Variants in ADAMTSL1 observed in about 807,000 individuals in gnomAD.
ADAMTSL1 encodes the protein ADAMTS like 1.
ADAMTSL1 carries 126 observed loss-of-function variants against 201.8 expected under a neutral mutation model. The observed-to-expected ratio is 0.62, with a 90% CI of 0.54 to 0.72. The LOEUF (loss-of-function observed/expected upper bound fraction) is 0.72. ADAMTSL1 is among the 30% of genes least tolerant of loss of function. The pLI is 0.00. For synonymous variants in ADAMTSL1, 1,121 were observed against 903.4 expected (o/e 1.24, Z -4.32); for missense variants, 2,679 against 2,277.8 (o/e 1.18, Z -3.59).
chr9:18,009,197 A>T (rs1288361381), intron 1 of ADAMTSL1, among the ~76,000 whole-genome samples: 1 of 152,000 alleles, frequency 6.6e-6, no homozygotes, highest in Non-Finnish European at 1.5e-5. Context: ...ATTAATATTC[A>T]AAATATTCTT....
At chr9:18,745,688 C>G (rs1279676522) in intron 15 of ADAMTSL1, among the ~76,000 whole-genome samples, 1 of 152,134 alleles carries the variant, frequency 6.6e-6, no homozygotes, top group African/African-American at 2.4e-5. Context: ...TCATTTATAT[C>G]TGTTGATATA....
At position 18,384,321 on chromosome 9, in the gene ADAMTSL1, T is replaced by C. The variant is rs149802192; in HGVS notation, c.208-120508T>C. The stretch of plus-strand genomic sequence containing the variant: ...CGCCATATCTCATGAGAACTCATGA[T>C]CACAAGAACAGCAAGAGGGAAATCT... On this transcript the variant is annotated intron_variant, in intron 2 of 29. Coordinates refer to the ADAMTSL1 transcript ENST00000680146. 6.8e-3 allele frequency among the ~76,000 whole-genome samples: 1,035 copies of C among 152,096 alleles called. 6 individuals are homozygous for C. Among genetic ancestry groups the C allele is most frequent in the Middle Eastern group, 0.027 (8 of 294 alleles).
At chr9:18,328,055 G>A (rs1172864930) in intron 2 of ADAMTSL1, among the ~76,000 whole-genome samples, 2 of 152,180 alleles carry the variant, frequency 1.3e-5, no homozygotes, top group African/African-American at 4.8e-5. Flanking sequence ...AAATAATGTT[G>A]TAGTACATCT....
chr9:18,409,728 C>T (rs2133305716), intron 2 of ADAMTSL1, among the ~76,000 whole-genome samples: 1 of 150,362 alleles, frequency 6.7e-6, no homozygotes, highest in East Asian at 2.0e-4. Flanking sequence ...TGTATGTATA[C>T]ATATAAGTAT....
At chr9:18,332,222 T>C (rs1835057334) in intron 2 of ADAMTSL1, among the ~76,000 whole-genome samples, 1 of 152,236 alleles carries the variant, frequency 6.6e-6, no homozygotes, top group African/African-American at 2.4e-5. Context: ...CAGACCATGT[T>C]ATCTTACATA....
intron 4 of ADAMTSL1, among the ~76,000 whole-genome samples, chr9:18,579,097 A>T (rs1314702978): frequency 6.6e-6 from 1 of 151,796 alleles, no homozygotes; most frequent in African/African-American, 2.4e-5. Flanking sequence ...AACCAACCCA[A>T]ATGTCCAACA....
In ADAMTSL1 at chr9:18,708,633, A is replaced by C. The variant is rs185514905; in HGVS notation, c.1876+1585A>C. ...GGCTACAGTTGCTTCTTTCCAACAT[A>C]GCAGATGACTCAGCATTCAGATGGT... On this transcript the variant is annotated intron_variant, in intron 14 of 28. Transcript: ENST00000380548. 1.2e-3 allele frequency among the ~76,000 whole-genome samples: 179 copies of C among 152,370 alleles called. 1 individual carries two copies. Among genetic ancestry groups the C allele is most frequent in the African/African-American group, 3.9e-3 (164 of 41,592 alleles).
intron 2 of ADAMTSL1, among the ~76,000 whole-genome samples, chr9:18,408,992 T>G (rs2133301807): frequency 6.6e-6 from 1 of 152,272 alleles, no homozygotes; most frequent in East Asian, 1.9e-4. Flanking sequence ...ACCTGAAGAT[T>G]TTTTTCCTGC....
intron 2 of ADAMTSL1, among the ~76,000 whole-genome samples, chr9:18,225,297 C>T (rs1434363349): frequency 6.6e-6 from 1 of 152,094 alleles, no homozygotes; most frequent in Admixed American, 6.6e-5. Context: ...TCTTATAGCT[C>T]AGATTGTTAG....
Position 18,908,808 on chromosome 9 carries a change from T to C in ADAMTSL1, c.*260T>C, listed in dbSNP as rs41268991. On this transcript the variant is annotated 3_prime_UTR_variant, in exon 29 of 29. Coordinates refer to ENST00000380548, the MANE Select transcript of ADAMTSL1 (RefSeq NM_001040272.6). ...GTTGCAGAGCAGGCCAGGCAGACAG[T>C]GGGGGCTCCCTTGAAGAGCTTCCTC... The C allele has an allele frequency of 0.041, 14,984 of 366,546 alleles. 574 individuals carry two copies. Among genetic ancestry groups the C allele is most frequent in the South Asian group, 0.12 (3,571 of 28,698 alleles). 22.7% of individuals were successfully genotyped at this position (366,546 alleles called of 1,614,324 possible). A position where few individuals can be genotyped will look rare whatever the true frequency, so the allele number is the denominator to read the frequency against.
chr9:18,887,861 A>G lies in ADAMTSL1; in HGVS notation c.4280A>G (p.Asn1427Ser), dbSNP rs550158004. ...CCCATCAAAGGTCACCCTGTCCCTAATATCACCTGGTTTCATGGTGGTCAG... is the reference window on the plus strand; with the variant it reads ...CCCATCAAAGGTCACCCTGTCCCTAGTATCACCTGGTTTCATGGTGGTCAG... ...GCPIKGHPVP[N>S]ITWFHGGQPI... The change falls in exon 24 of 29, where the codon AAT (asparagine) becomes AGT (serine). Residue 1427 changes from asparagine (N) to serine (S), a missense_variant. Asn to Ser is a conservative substitution (Grantham distance 46, BLOSUM62 1). Transcript: ENST00000380548. 4.3e-6 allele frequency: 7 copies of G among 1,613,870 alleles called. No homozygotes were observed. The Admixed American group carries it at 6.7e-5, about 15-fold the overall frequency.
At chr9:18,260,237 C>G (rs1432962278) in intron 2 of ADAMTSL1, among the ~76,000 whole-genome samples, 2 of 152,246 alleles carry the variant, frequency 1.3e-5, no homozygotes, top group African/African-American at 4.8e-5. Context: ...CTTCTACCCA[C>G]TGAACTAGAA....
chr9:18,864,226 T>C (rs1169367852), intron 23 of ADAMTSL1, among the ~76,000 whole-genome samples: 3 of 152,228 alleles, frequency 2.0e-5, no homozygotes, highest in African/African-American at 7.2e-5. Flanking sequence ...CAGCTTTTAC[T>C]CTGTGCAATC....
intron 2 of ADAMTSL1, among the ~76,000 whole-genome samples, chr9:18,303,656 G>C (rs1833791098): frequency 6.6e-6 from 1 of 152,190 alleles, no homozygotes; most frequent in African/African-American, 2.4e-5. Flanking sequence ...AGTCAGGAGA[G>C]GAAGAGAGAG....
intron 4 of ADAMTSL1, among the ~76,000 whole-genome samples, chr9:18,606,770 C>A (rs1889008): frequency 0.46 from 70,135 of 151,906 alleles, 16,716 homozygotes; most frequent in East Asian, 0.77. Flanking sequence ...CCTTCCCCCC[C>A]AGTTTTCTTA....
At chr9:18,691,883 T>A (rs1831242617) in intron 13 of ADAMTSL1, among the ~76,000 whole-genome samples, 1 of 152,210 alleles carries the variant, frequency 6.6e-6, no homozygotes. Flanking sequence ...TATAAATTTT[T>A]GTTGTGATTA....
At chr9:17,998,495 C>A (rs546597272) in intron 1 of ADAMTSL1, among the ~76,000 whole-genome samples, 19 of 151,808 alleles carry the variant, frequency 1.3e-4, no homozygotes, top group Non-Finnish European at 2.8e-4. Flanking sequence ...ACAGATAAAG[C>A]GGTATTAATT....
At chr9:18,654,917 G>T (rs547161411) in intron 7 of ADAMTSL1, among the ~76,000 whole-genome samples, 3 of 152,228 alleles carry the variant, frequency 2.0e-5, no homozygotes, top group Admixed American at 2.0e-4. Context: ...GTGGATCCCA[G>T]CTCAGAGATA....
chr9:18,065,985 CAAAAAAAAAAA>C (rs34179730), intron 1 of ADAMTSL1, among the ~76,000 whole-genome samples: 3 of 38,134 alleles, frequency 7.9e-5, no homozygotes, highest in African/African-American at 9.3e-5. Flanking sequence ...GACTCCATCT[CAAAAAAAAAAA>C]AAAAAAAAAA....
Sources: allele counts gnomAD v4.1 joint callset (sites outside exome capture counted in the v4.1 genomes callset), GRCh38; gene constraint gnomAD v4.1.1; transcripts MANE v1.5; gene names NCBI Gene and HGNC (gene_info 2026-07-23, HGNC 2026-07-21).